Variants in SHLD1 observed in about 807,000 individuals in gnomAD.
SHLD1 encodes the protein shieldin complex subunit 1, also known as RINN1-REV7-interacting novel NHEJ regulator 3.
Under a neutral mutation model 5.5 loss-of-function variants are expected in SHLD1, and 3 were observed. The ratio of observed to expected loss-of-function variants is 0.54; its 90% CI spans 0.25 to 1.40. SHLD1 has a LOEUF of 1.40. Ranked by LOEUF, SHLD1 falls within the 40% of genes most tolerant of loss-of-function variation. The pLI, the probability that SHLD1 is intolerant of heterozygous loss-of-function variation, is 0.15. For missense variants in SHLD1, 210 were observed against 244.4 expected, an observed-to-expected ratio of 0.86 and a Z score of 0.94; for synonymous variants, 92 against 94.3, an observed-to-expected ratio of 0.98 and a Z score of 0.14.
intron 2 of SHLD1, among the ~76,000 whole-genome samples, chr20:5,848,427 A>T (rs1314250510): frequency 6.6e-6 from 1 of 152,188 alleles, no homozygotes; most frequent in Non-Finnish European, 1.5e-5. Flanking sequence ...GCTGAGGCAC[A>T]AGAATCACTT....
At chr20:5,823,687 A>T (rs1238440124) in intron 2 of SHLD1, among the ~76,000 whole-genome samples, 1 of 152,002 alleles carries the variant, frequency 6.6e-6, no homozygotes, top group East Asian at 1.9e-4. Context: ...TCCTCAAGTG[A>T]TCTGCCCACC....
chr20:5,838,062 T>C lies in SHLD1; in HGVS notation c.179-24962T>C, dbSNP rs1378334465. ...ACGTAGTACATTTAGTAGCGATCAATCTTTGTATAGTTATGATAGTATAAA... is the reference window on the plus strand; with the variant it reads ...ACGTAGTACATTTAGTAGCGATCAACCTTTGTATAGTTATGATAGTATAAA... On this transcript the variant is annotated intron_variant, in intron 2 of 2. Coordinates refer to ENST00000303142, the MANE Select transcript of SHLD1 (RefSeq NM_152504.4). Among the ~76,000 whole-genome samples the C allele has an allele frequency of 2.6e-5, 4 of 152,194 alleles. No individual in the cohort carries two copies. In the East Asian group the frequency reaches 7.7e-4, roughly 29 times the overall value.
intron 2 of SHLD1, among the ~76,000 whole-genome samples, chr20:5,798,860 C>T (rs553647965): frequency 2.6e-5 from 4 of 152,184 alleles, no homozygotes; most frequent in South Asian, 2.1e-4. Flanking sequence ...CCTCGTGATC[C>T]GCCCACCTCA....
At chr20:5,816,088 C>CCAAAAAAAAAA (rs2087526538) in intron 2 of SHLD1, among the ~76,000 whole-genome samples, 1 of 20,094 alleles carries the variant, frequency 5.0e-5, no homozygotes, top group African/African-American at 1.5e-4. Context: ...CTCAAAAAAA[C>CCAAAAAAAAAA]GAAAAAAAAA....
intron 2 of SHLD1, among the ~76,000 whole-genome samples, chr20:5,828,649 T>C (rs1248310692): frequency 6.6e-6 from 1 of 152,228 alleles, no homozygotes; most frequent in Non-Finnish European, 1.5e-5. Context: ...TGCAATTCTT[T>C]TGCTTCGCAT....
chr20:5,790,996 C>G (rs2087130237), intron 2 of SHLD1, among the ~76,000 whole-genome samples: 1 of 151,798 alleles, frequency 6.6e-6, no homozygotes, highest in African/African-American at 2.4e-5. Context: ...GACCCTGTCT[C>G]TACAAAAAAT....
chr20:5,807,337 T>C (rs1397594461), intron 2 of SHLD1, among the ~76,000 whole-genome samples: 1 of 151,814 alleles, frequency 6.6e-6, no homozygotes, highest in Non-Finnish European at 1.5e-5. Context: ...TTCCTTCCTT[T>C]CCTTCCTTCT....
chr20:5,840,939 G>C lies in SHLD1; in HGVS notation c.179-22085G>C, dbSNP rs1318341035. On this transcript the variant is annotated intron_variant, in intron 2 of 2. Transcript: ENST00000303142. ...CTTTTTTTTAATATTCTTAGGGCTT[G>C]TTCTGGCCTTAGTCAATGGAACACC... Among the ~76,000 whole-genome samples the C allele has an allele frequency of 2.6e-5, 4 of 151,972 alleles. No individual in the cohort carries two copies. In the East Asian group the frequency reaches 7.7e-4, roughly 29 times the overall value.
chr20:5,860,368 A>C (rs923403400), intron 2 of SHLD1, among the ~76,000 whole-genome samples: 8 of 152,184 alleles, frequency 5.3e-5, no homozygotes, highest in Non-Finnish European at 1.2e-4. Flanking sequence ...TTTTTAAAAC[A>C]AAGAGCCCTT....
At chr20:5,775,782 ACCT>A (rs1219993370) in intron 2 of SHLD1, among the ~76,000 whole-genome samples, 1 of 151,792 alleles carries the variant, frequency 6.6e-6, no homozygotes, top group African/African-American at 2.4e-5. Context: ...TGATAACAGC[ACCT>A]CCTTGTTGGG....
intron 2 of SHLD1, among the ~76,000 whole-genome samples, chr20:5,846,156 T>C (rs1007886765): frequency 5.9e-5 from 9 of 152,224 alleles, no homozygotes; most frequent in African/African-American, 2.2e-4. Flanking sequence ...TTGATAGAAA[T>C]CTTGTTCTGT....
At chr20:5,836,646 C>T (rs1391421324) in intron 2 of SHLD1, among the ~76,000 whole-genome samples, 1 of 152,222 alleles carries the variant, frequency 6.6e-6, no homozygotes, top group Non-Finnish European at 1.5e-5. Flanking sequence ...ACCTTCTCCT[C>T]CTGGACCTTC....
intron 2 of SHLD1, among the ~76,000 whole-genome samples, chr20:5,786,583 TA>T (rs774493772): frequency 5.3e-5 from 7 of 131,372 alleles, no homozygotes; most frequent in Middle Eastern, 7.4e-3. Flanking sequence ...TCTTTTAAAT[TA>T]AAAAAAAAAA....
intron 2 of SHLD1, among the ~76,000 whole-genome samples, chr20:5,844,786 TATA>T (rs1314130959): frequency 2.1e-4 from 22 of 104,460 alleles, no homozygotes; most frequent in South Asian, 9.0e-4. Flanking sequence ...TATATATATA[TATA>T]TATATATATA....
At chr20:5,763,798 C>T (rs564321853) in intron 1 of SHLD1, among the ~76,000 whole-genome samples, 16 of 151,924 alleles carry the variant, frequency 1.1e-4, no homozygotes, top group Middle Eastern at 3.4e-3. Context: ...TGGTTTACAT[C>T]ATCAAGCCAT....
chr20:5,823,967 G>T (rs2087637334), intron 2 of SHLD1, among the ~76,000 whole-genome samples: 1 of 152,124 alleles, frequency 6.6e-6, no homozygotes, highest in Non-Finnish European at 1.5e-5. Context: ...TCGTACCTGG[G>T]CTCCAGTCCC....
At chr20:5,843,854 A>T (rs2087895733) in intron 2 of SHLD1, among the ~76,000 whole-genome samples, 1 of 152,220 alleles carries the variant, frequency 6.6e-6, no homozygotes, top group South Asian at 2.1e-4. Flanking sequence ...ATTCAATTCC[A>T]TGTATTCCTC....
chr20:5,786,434 G>C lies in SHLD1; in HGVS notation c.178+13391G>C, dbSNP rs147990958. On this transcript the variant is annotated intron_variant, in intron 2 of 2. Transcript: ENST00000303142. ...TCTACAAATAAAATAAATTAACTGG[G>C]CATGGTAGCATGCACCTACAGTCCC... 9.2e-5 allele frequency among the ~76,000 whole-genome samples: 14 copies of C among 152,226 alleles called. No individual in the cohort carries two copies. The East Asian group carries it at 2.7e-3, about 29-fold the overall frequency.
intron 1 of SHLD1, among the ~76,000 whole-genome samples, chr20:5,764,172 ATATT>A (rs1568490134): frequency 2.4e-4 from 20 of 83,196 alleles, no homozygotes; most frequent in Non-Finnish European, 3.7e-4. Context: ...ATATATATAT[ATATT>A]TTTATATATA....
Sources: gnomAD v4.1 joint callset for allele counts (sites outside exome capture counted in the v4.1 genomes callset) on GRCh38, gnomAD v4.1.1 for gene constraint, MANE v1.5 for transcripts, NCBI Gene and HGNC (gene_info 2026-07-23, HGNC 2026-07-21) for gene names.